The following KITLG variants were observed in gnomAD, a reference collection of about 807,000 sequenced individuals.
The protein encoded by KITLG is KIT ligand, also known as c-Kit ligand.
KITLG carries 13 observed loss-of-function variants against 34.1 expected under a neutral mutation model. That is an observed-to-expected ratio of 0.38 (90% CI 0.25 to 0.61). The LOEUF (loss-of-function observed/expected upper bound fraction) is 0.61, where lower values mean the gene tolerates loss of function less well. Ranked by LOEUF, KITLG falls within the 20% of genes least tolerant of loss-of-function variation. The pLI is 0.60. For missense variants in KITLG, 292 were observed against 318.9 expected (o/e 0.92, Z 0.64); for synonymous variants, 110 against 104.0 (o/e 1.06, Z -0.35).
At position 88,532,342 on chromosome 12, in the gene KITLG, G is replaced by A. The variant is rs545138231; in HGVS notation, c.192+99C>T. ...TAAATTCTTCAAATCCTGACAATAAGCAAGCTCCTAAATAGCAGCTAGTGT... is the reference window on the plus strand; with the variant it reads ...TAAATTCTTCAAATCCTGACAATAAACAAGCTCCTAAATAGCAGCTAGTGT... On this transcript the variant is annotated intron_variant, in intron 3 of 9. Coordinates refer to ENST00000644744, the MANE Select transcript of KITLG (RefSeq NM_000899.5). The A allele has an allele frequency of 2.7e-4, 238 of 891,796 alleles. 1 individual carries two copies. In the African/African-American group the frequency reaches 3.7e-3, roughly 14 times the overall value. The allele number at this position is 891,796 out of a possible 1,614,324, so 55.2% of individuals were successfully genotyped here.
intron 2 of KITLG, among the ~76,000 whole-genome samples, chr12:88,539,876 G>C (rs1381275628): frequency 1.3e-5 from 2 of 152,016 alleles, no homozygotes. Flanking sequence ...AGTGAGCCAT[G>C]ATTGCACCAC....
intron 3 of KITLG, among the ~76,000 whole-genome samples, chr12:88,531,265 T>A (rs932069271): frequency 6.6e-6 from 1 of 152,268 alleles, no homozygotes; most frequent in South Asian, 2.1e-4. Flanking sequence ...GCTGTCCACA[T>A]TACAAGCCCT....
At position 88,518,721 on chromosome 12, in the gene KITLG, C is replaced by A. The variant is rs1308494635; in HGVS notation, c.339G>T (p.Glu113Asp). 6.2e-7 allele frequency: 1 copy of A among 1,613,354 alleles called. No individual in the cohort carries two copies. Among genetic ancestry groups the A allele is most frequent in the Admixed American group, 1.7e-5 (1 of 59,972 alleles). The part of the protein sequence containing the change: ...KLVNIVDDLV[E>D]CVKENSSKDL... ...CCTTAGATGAGTTTTCTTTCACGCA[C>A]TCCACAAGGTCATCCACTATATTCA... The change falls in exon 4 of 10, where the codon GAG (glutamate) becomes GAT (aspartate). Residue 113 changes from glutamate to aspartate, a missense_variant. By Grantham distance (45) the Glu-to-Asp change is conservative. Transcript: ENST00000644744.
At chr12:88,527,640 T>C (rs11104928) in intron 3 of KITLG, among the ~76,000 whole-genome samples, 12,850 of 152,284 alleles carry the variant, frequency 0.084, 568 homozygotes, top group Non-Finnish European at 0.1. Context: ...ATTGCTTATA[T>C]GGCCTTAAAG....
chr12:88,542,449 G>C (rs575420847), intron 2 of KITLG, among the ~76,000 whole-genome samples: 1 of 152,204 alleles, frequency 6.6e-6, no homozygotes, highest in Admixed American at 6.5e-5. Flanking sequence ...TAATAGTGGA[G>C]CTGGTATTAA....
At chr12:88,531,718 CT>C (rs111746295) in intron 3 of KITLG, among the ~76,000 whole-genome samples, 12,104 of 150,584 alleles carry the variant, frequency 0.08, 526 homozygotes, top group Non-Finnish European at 0.1. Flanking sequence ...CACTGAAGTC[CT>C]TTTTTAGGGG....
At chr12:88,525,021 C>T (rs1040527455) in intron 3 of KITLG, among the ~76,000 whole-genome samples, 1 of 152,092 alleles carries the variant, frequency 6.6e-6, no homozygotes, top group African/African-American at 2.4e-5. Context: ...GATAGGCCAA[C>T]CAGAACGTTC....
chr12:88,522,590 G>A (rs1268888960), intron 3 of KITLG, among the ~76,000 whole-genome samples: 2 of 152,036 alleles, frequency 1.3e-5, no homozygotes, highest in Admixed American at 6.6e-5. Flanking sequence ...ACCACGCCCA[G>A]CTAACTTTTG....
intron 1 of KITLG, 31 bp downstream of exon 1, chr12:88,580,233 G>A (rs1250916760): frequency 2.5e-6 from 4 of 1,599,816 alleles, no homozygotes; most frequent in Non-Finnish European, 3.4e-6. Flanking sequence ...TTCCTGGAGA[G>A]CCTGGGAGCT....
intron 6 of KITLG, among the ~76,000 whole-genome samples, chr12:88,509,494 C>T (rs1869194755): frequency 6.6e-6 from 1 of 152,158 alleles, no homozygotes; most frequent in African/African-American, 2.4e-5. Flanking sequence ...TCTGAGAGTG[C>T]GGTGACTACC....
intron 9 of KITLG, among the ~76,000 whole-genome samples, chr12:88,502,720 G>A (rs962063362): frequency 2.6e-5 from 4 of 152,128 alleles, no homozygotes; most frequent in Admixed American, 2.0e-4. Flanking sequence ...GACGAATGTC[G>A]TAATTAAAAC....
chr12:88,565,900 G>T (rs1294533530), intron 1 of KITLG, among the ~76,000 whole-genome samples: 2 of 152,124 alleles, frequency 1.3e-5, no homozygotes, highest in East Asian at 3.9e-4. Context: ...ATAAGCATCG[G>T]AAATCAACAT....
intron 9 of KITLG, among the ~76,000 whole-genome samples, chr12:88,498,326 A>G (rs1868718604): frequency 6.6e-6 from 1 of 152,130 alleles, no homozygotes; most frequent in African/African-American, 2.4e-5. Flanking sequence ...AGTCTCTCTA[A>G]ATGTAATATA....
chr12:88,523,464 G>A (rs1368065260), intron 3 of KITLG, among the ~76,000 whole-genome samples: 11 of 152,166 alleles, frequency 7.2e-5, no homozygotes, highest in African/African-American at 2.4e-4. Context: ...GTGGTCTCAC[G>A]TCTGGACCAG....
At chr12:88,522,587 C>G (rs1203382004) in intron 3 of KITLG, among the ~76,000 whole-genome samples, 1 of 151,960 alleles carries the variant, frequency 6.6e-6, no homozygotes, top group Non-Finnish European at 1.5e-5. Context: ...GCCACCACGC[C>G]CAGCTAACTT....
At chr12:88,548,441 T>G (rs1214954316) in intron 1 of KITLG, among the ~76,000 whole-genome samples, 3 of 131,958 alleles carry the variant, frequency 2.3e-5, no homozygotes, top group Non-Finnish European at 5.0e-5. Context: ...CGACAAAAGC[T>G]AGACTACATC....
chr12:88,504,203 A>G (rs1461787518), intron 9 of KITLG, among the ~76,000 whole-genome samples: 1 of 152,150 alleles, frequency 6.6e-6, no homozygotes, highest in Non-Finnish European at 1.5e-5. Context: ...AATGAATTAG[A>G]TATGCACATT....
chr12:88,568,417 T>C (rs1045092746), intron 1 of KITLG, among the ~76,000 whole-genome samples: 2 of 152,092 alleles, frequency 1.3e-5, no homozygotes, highest in African/African-American at 4.8e-5. Context: ...GCCTCTGTCT[T>C]CCAAAGTGTT....
At position 88,507,759 on chromosome 12, in the gene KITLG, G is replaced by C. The variant is rs1420140913; in HGVS notation, c.605-622C>G. ...TTGGAAAGCTTAAGACTAACACTAA[G>C]GGGAATGGTTGAAGGCACTAGTGTT... On this transcript the variant is annotated intron_variant, in intron 6 of 9. Coordinates refer to ENST00000644744, the MANE Select transcript of KITLG (RefSeq NM_000899.5). 5.9e-5 allele frequency among the ~76,000 whole-genome samples: 9 copies of C among 152,130 alleles called. No homozygotes were observed. The East Asian group carries it at 1.7e-3, about 29-fold the overall frequency.
Sources: gnomAD v4.1 joint callset for allele counts (sites outside exome capture counted in the v4.1 genomes callset) on GRCh38, gnomAD v4.1.1 for gene constraint, MANE v1.5 for transcripts, NCBI Gene and HGNC (gene_info 2026-07-23, HGNC 2026-07-21) for gene names.